ADGRV1: variants seen among roughly 807,000 people sequenced by gnomAD.
ADGRV1 encodes G-protein coupled receptor 98.
Under a neutral mutation model 596.2 loss-of-function variants are expected in ADGRV1, and 359 were observed. That is an observed-to-expected ratio of 0.60 (90% CI 0.55 to 0.66). The LOEUF is 0.66. Ranked by LOEUF, ADGRV1 falls within the 30% of genes least tolerant of loss-of-function variation. The probability of loss-of-function intolerance (pLI) is 0.00; values close to 1 mark genes in which losing one functional copy is unlikely to be tolerated. For missense variants in ADGRV1, 7,274 were observed against 7,575.6 expected, an observed-to-expected ratio of 0.96 and a Z score of 1.48; for synonymous variants, 2,681 against 2,679.2, an observed-to-expected ratio of 1.00 and a Z score of -0.02.
chr5:90,937,862 G>T (rs1307558165), intron 83 of ADGRV1, among the ~76,000 whole-genome samples: 4 of 151,794 alleles, frequency 2.6e-5, no homozygotes, highest in African/African-American at 9.7e-5. Flanking sequence ...TTTTATTGAC[G>T]GTTTTGTCTT....
At chr5:90,821,728 CG>C (rs1173304514) in intron 75 of ADGRV1, among the ~76,000 whole-genome samples, 4 of 150,318 alleles carry the variant, frequency 2.7e-5, no homozygotes, top group Non-Finnish European at 4.4e-5. Context: ...TAGGCTGCTT[CG>C]GGGTCAGGGG....
At chr5:90,872,233 G>A (rs548525726) in intron 83 of ADGRV1, among the ~76,000 whole-genome samples, 5 of 152,158 alleles carry the variant, frequency 3.3e-5, no homozygotes, top group South Asian at 2.1e-4. Context: ...ATTTGTTTCC[G>A]TTGGTCTGCA....
intron 85 of ADGRV1, among the ~76,000 whole-genome samples, chr5:91,033,685 G>A (rs1581849350): frequency 6.6e-6 from 1 of 152,140 alleles, no homozygotes; most frequent in East Asian, 1.9e-4. Flanking sequence ...CAGGACTTCA[G>A]TCCTATTACC....
chr5:90,671,726 C>CT (rs72191425), intron 21 of ADGRV1, among the ~76,000 whole-genome samples: 1 of 151,942 alleles, frequency 6.6e-6, no homozygotes, highest in Non-Finnish European at 1.5e-5. Context: ...ATTTTTGGTT[C>CT]TTTTTTCTCC....
intron 66 of ADGRV1, 119 bp from the exon 67 acceptor site, chr5:90,783,719 G>C: frequency 1.5e-6 from 1 of 683,166 alleles, no homozygotes; most frequent in South Asian, 2.0e-5. Context: ...CTTACCACTT[G>C]ATGTGTGACT....
chr5:90,974,209 G>C (rs1329580086), intron 84 of ADGRV1, among the ~76,000 whole-genome samples: 18 of 152,156 alleles, frequency 1.2e-4, no homozygotes, highest in Middle Eastern at 3.4e-3. Context: ...AGGACACAAA[G>C]AAATGGAAGA....
intron 83 of ADGRV1, among the ~76,000 whole-genome samples, chr5:90,952,601 A>G (rs1161844983): frequency 6.6e-6 from 1 of 152,204 alleles, no homozygotes; most frequent in Non-Finnish European, 1.5e-5. Context: ...TTGAGCTTCC[A>G]GAAGTCCTTG....
chr5:91,094,639 T>C (rs1421777425), intron 86 of ADGRV1, among the ~76,000 whole-genome samples: 1 of 152,050 alleles, frequency 6.6e-6, no homozygotes, highest in Non-Finnish European at 1.5e-5. Context: ...ACTTAGAAGA[T>C]AAAATAGACA....
chr5:91,081,770 G>C (rs1789406993), intron 86 of ADGRV1, among the ~76,000 whole-genome samples: 1 of 152,110 alleles, frequency 6.6e-6, no homozygotes. Context: ...TGAGCAACAA[G>C]AGTGAAACTC....
chr5:90,602,950 A>G (rs918606675), intron 1 of ADGRV1, among the ~76,000 whole-genome samples: 1 of 152,206 alleles, frequency 6.6e-6, no homozygotes, highest in East Asian at 1.9e-4. Context: ...GGGCCTCTTG[A>G]TCTAACTTTT....
chr5:91,069,989 A>T (rs899524991), intron 85 of ADGRV1, among the ~76,000 whole-genome samples: 1 of 151,922 alleles, frequency 6.6e-6, no homozygotes, highest in Non-Finnish European at 1.5e-5. Context: ...CCATTATTCT[A>T]GGCAAATTAA....
chr5:90,809,337 C>A (rs943287960), intron 73 of ADGRV1, among the ~76,000 whole-genome samples: 8 of 152,048 alleles, frequency 5.3e-5, no homozygotes, highest in Non-Finnish European at 8.8e-5. Context: ...CGCTCTGTCT[C>A]TCTTTACTCT....
chr5:90,631,198 A>G (rs1361903416), intron 9 of ADGRV1, among the ~76,000 whole-genome samples: 1 of 152,174 alleles, frequency 6.6e-6, no homozygotes, highest in Non-Finnish European at 1.5e-5. Flanking sequence ...AAGGGAAGGA[A>G]ATGATTTATC....
At chr5:90,981,533 G>T (rs775182097) in intron 84 of ADGRV1, among the ~76,000 whole-genome samples, 5 of 152,008 alleles carry the variant, frequency 3.3e-5, no homozygotes, top group Non-Finnish European at 7.4e-5. Flanking sequence ...AGCTGTGCAC[G>T]TTGGCTTAAT....
intron 67 of ADGRV1, among the ~76,000 whole-genome samples, chr5:90,784,806 G>A (rs932168575): frequency 6.6e-6 from 1 of 152,130 alleles, no homozygotes; most frequent in Non-Finnish European, 1.5e-5. Context: ...CATGCTCATG[G>A]ATAGGAAGAA....
intron 1 of ADGRV1, among the ~76,000 whole-genome samples, chr5:90,589,444 C>G (rs1365613133): frequency 2.6e-5 from 4 of 152,096 alleles, no homozygotes; most frequent in Non-Finnish European, 1.5e-5. Flanking sequence ...TGGCTTCTCT[C>G]CTCAAGCAAT....
chr5:90,572,017 T>C (rs1756591674), intron 1 of ADGRV1, among the ~76,000 whole-genome samples: 1 of 152,168 alleles, frequency 6.6e-6, no homozygotes, highest in Non-Finnish European at 1.5e-5. Context: ...TAGGAGGTCC[T>C]TACCCTGACA....
chr5:91,001,407 A>T (rs1261758980), intron 85 of ADGRV1, among the ~76,000 whole-genome samples: 4 of 152,184 alleles, frequency 2.6e-5, no homozygotes, highest in African/African-American at 9.7e-5. Flanking sequence ...GTCTGCAGTG[A>T]AAGTATTATG....
intron 34 of ADGRV1, among the ~76,000 whole-genome samples, chr5:90,698,375 A>G (rs972285207): frequency 3.9e-5 from 6 of 152,142 alleles, no homozygotes; most frequent in African/African-American, 1.4e-4. Flanking sequence ...ATTTTCATAC[A>G]AGGAAACTGA....
Sources: allele counts gnomAD v4.1 joint callset (sites outside exome capture counted in the v4.1 genomes callset), GRCh38; gene constraint gnomAD v4.1.1; transcripts MANE v1.5; gene names NCBI Gene and HGNC (gene_info 2026-07-23, HGNC 2026-07-21).